Variants in CSMD3 observed in about 807,000 individuals in gnomAD.
The protein encoded by CSMD3 is CUB and Sushi multiple domains 3.
In CSMD3, 177 loss-of-function variants were observed where a neutral mutation model predicts 435.2. That is an observed-to-expected ratio of 0.41 (90% CI 0.36 to 0.46). The LOEUF is 0.46. CSMD3 is among the 20% of genes least tolerant of loss of function. The pLI is 0.34. For missense variants in CSMD3, 4,265 were observed against 4,504.6 expected (o/e 0.95, Z 1.52); for synonymous variants, 1,656 against 1,520.5 (o/e 1.09, Z -2.07).
intron 13 of CSMD3, among the ~76,000 whole-genome samples, chr8:112,738,025 G>A (rs562724154): frequency 6.6e-6 from 1 of 151,894 alleles, no homozygotes; most frequent in Non-Finnish European, 1.5e-5. Context: ...ACAGCTAGGT[G>A]AAAAATAGTC....
intron 32 of CSMD3, among the ~76,000 whole-genome samples, chr8:112,465,671 A>G (rs1817879408): frequency 6.6e-6 from 1 of 152,176 alleles, no homozygotes; most frequent in South Asian, 2.1e-4. Context: ...ACATTAAAAC[A>G]ACCATCAGTT....
intron 7 of CSMD3, among the ~76,000 whole-genome samples, chr8:112,957,813 T>C (rs1289420203): frequency 1.3e-5 from 2 of 152,208 alleles, no homozygotes; most frequent in African/African-American, 4.8e-5. Context: ...TGGCGTGATC[T>C]CGGCTCACTG....
chr8:112,722,194 GAAA>G (rs576268716), intron 13 of CSMD3, among the ~76,000 whole-genome samples: 89 of 82,290 alleles, frequency 1.1e-3, no homozygotes, highest in Admixed American at 2.3e-3. Flanking sequence ...AGTGAAAAGA[GAAA>G]AAAAAAAAAA....
At chr8:112,254,215 C>A in intron 63 of CSMD3, 38 bp downstream of exon 63, 1 of 1,409,388 alleles carries the variant, frequency 7.1e-7, no homozygotes, top group South Asian at 1.1e-5. Context: ...GCATTCTGAC[C>A]TAGTATGATG....
At chr8:112,265,048 T>C (rs1278126743) in intron 60 of CSMD3, among the ~76,000 whole-genome samples, 4 of 152,040 alleles carry the variant, frequency 2.6e-5, no homozygotes, top group African/African-American at 9.7e-5. Flanking sequence ...CACCCTTGAA[T>C]TACTTGACCC....
intron 6 of CSMD3, among the ~76,000 whole-genome samples, chr8:113,018,543 C>T (rs1272298650): frequency 6.6e-6 from 1 of 152,128 alleles, no homozygotes; most frequent in Non-Finnish European, 1.5e-5. Flanking sequence ...TTCATTAGTA[C>T]TCCATCTTCA....
At chr8:112,525,784 G>GTATACATA (rs1554602512) in intron 27 of CSMD3, among the ~76,000 whole-genome samples, 7 of 129,466 alleles carry the variant, frequency 5.4e-5, no homozygotes, top group Non-Finnish European at 8.1e-5. Flanking sequence ...ATATGTGTGT[G>GTATACATA]TATATATATA....
chr8:113,076,274 T>C (rs1237732990), intron 5 of CSMD3, among the ~76,000 whole-genome samples: 1 of 151,734 alleles, frequency 6.6e-6, no homozygotes, highest in East Asian at 1.9e-4. Context: ...TTGAAGTTGA[T>C]AGCTTGTCAT....
At chr8:112,480,566 C>A (rs1819533104) in intron 31 of CSMD3, among the ~76,000 whole-genome samples, 1 of 152,050 alleles carries the variant, frequency 6.6e-6, no homozygotes, top group South Asian at 2.1e-4. Context: ...TTGGTGCTAT[C>A]CTTGCGATAG....
intron 27 of CSMD3, among the ~76,000 whole-genome samples, chr8:112,539,855 A>G (rs1826494093): frequency 6.6e-6 from 1 of 152,042 alleles, no homozygotes; most frequent in Admixed American, 6.6e-5. Context: ...TATTTTTTGC[A>G]TAAGACCTCA....
chr8:112,336,702 G>T lies in CSMD3; in HGVS notation c.6969C>A (p.Ile2323=), dbSNP rs369471799. ...VRVPPGNGIY[I]NFTVLQTEPI... is the part of the protein sequence containing the mutation. ...GTTCTGTTTGAAGGACAGTAAAATT[G>T]ATGTAGATGCCATTCCCAGGGGGTA... Residue 2323 remains isoleucine (I), a synonymous_variant, in exon 44 of 71, where the codon ATC becomes ATA. Coordinates refer to ENST00000297405, the MANE Select transcript of CSMD3 (RefSeq NM_198123.2). 2.5e-6 allele frequency: 4 copies of T among 1,613,016 alleles called. No individual in the cohort carries two copies. Among genetic ancestry groups the T allele is most frequent in the Non-Finnish European group, 3.4e-6 (4 of 1,179,282 alleles).
At chr8:112,827,251 C>CT (rs5894107) in intron 12 of CSMD3, among the ~76,000 whole-genome samples, 7,605 of 129,632 alleles carry the variant, frequency 0.059, 736 homozygotes, top group African/African-American at 0.2. Flanking sequence ...GCTCAAATAG[C>CT]TTTTTTTTGT....
intron 27 of CSMD3, among the ~76,000 whole-genome samples, chr8:112,518,642 G>GAC (rs1823950460): frequency 6.6e-6 from 1 of 151,718 alleles, no homozygotes; most frequent in Non-Finnish European, 1.5e-5. Context: ...GAGAGAGAGA[G>GAC]AGAGAGAGAG....
chr8:113,354,288 T>C (rs2094207681), intron 1 of CSMD3, among the ~76,000 whole-genome samples: 2 of 152,194 alleles, frequency 1.3e-5, no homozygotes, highest in Admixed American at 1.3e-4. Context: ...TGAATTTGAA[T>C]ACCTGAATAA....
chr8:112,411,121 T>G (rs1025499515), intron 32 of CSMD3, among the ~76,000 whole-genome samples: 1 of 108,476 alleles, frequency 9.2e-6, no homozygotes. Context: ...AAAAAATTCA[T>G]CTTTTTTTTT....
At chr8:113,185,863 C>A (rs2092492848) in intron 3 of CSMD3, among the ~76,000 whole-genome samples, 1 of 152,124 alleles carries the variant, frequency 6.6e-6, no homozygotes. Flanking sequence ...TCTATTCCTA[C>A]AAAGACCCAT....
In CSMD3 at chr8:112,615,478, G is replaced by C. The variant is rs564507876; in HGVS notation, c.3715+21339C>G. The stretch of plus-strand genomic sequence containing the variant: ...TTTATCTTTCCAGATAGTTAAGATA[G>C]CACAGTAATTGGTACCTAGAAGCAT... On this transcript the variant is annotated intron_variant, in intron 22 of 70. Coordinates refer to ENST00000297405, the MANE Select transcript of CSMD3 (RefSeq NM_198123.2). Among the ~76,000 whole-genome samples the C allele has an allele frequency of 2.6e-5, 4 of 152,078 alleles. No homozygotes were observed. In the South Asian group the frequency reaches 8.3e-4, roughly 32 times the overall value.
intron 13 of CSMD3, among the ~76,000 whole-genome samples, chr8:112,795,038 G>T (rs2078793249): frequency 6.6e-6 from 1 of 151,986 alleles, no homozygotes; most frequent in South Asian, 2.1e-4. Flanking sequence ...CGTCCAGATA[G>T]TTTTATGGCT....
At chr8:112,611,182 C>T (rs1833229741) in intron 22 of CSMD3, among the ~76,000 whole-genome samples, 1 of 152,098 alleles carries the variant, frequency 6.6e-6, no homozygotes, top group Non-Finnish European at 1.5e-5. Context: ...TGAGAAATGC[C>T]ACGCATAATG....
Sources: allele counts gnomAD v4.1 joint callset (sites outside exome capture counted in the v4.1 genomes callset), GRCh38; gene constraint gnomAD v4.1.1; transcripts MANE v1.5; gene names NCBI Gene and HGNC (gene_info 2026-07-23, HGNC 2026-07-21).